The following INTS14 variants were observed in gnomAD, a reference collection of about 807,000 sequenced individuals.
INTS14 encodes integrator complex subunit 14, also known as UPF0464 protein C15orf44.
INTS14 carries 27 observed loss-of-function variants against 56.9 expected under a neutral mutation model. The ratio of observed to expected loss-of-function variants is 0.47; its 90% CI spans 0.35 to 0.65. The LOEUF is 0.65. Ranked by LOEUF, INTS14 falls within the 30% of genes least tolerant of loss-of-function variation. The pLI is 0.00. For synonymous variants in INTS14, 207 were observed against 236.2 expected (o/e 0.88, Z 1.13); for missense variants, 517 against 632.2 (o/e 0.82, Z 1.95).
chr15:65,596,632 G>A (rs962865888), intron 6 of INTS14, among the ~76,000 whole-genome samples: 4 of 151,978 alleles, frequency 2.6e-5, no homozygotes, highest in African/African-American at 9.7e-5. Flanking sequence ...GTGCAATGGC[G>A]CAATCTCAGC....
rs1412843345 is a variant in INTS14, at chr15:65,579,564, C to T, written c.1401G>A (p.Leu467=). ...CAGCATCAGGGTGGGCTGTCTCAGG[C>T]AGCAGTGTGCATTCCCTTTCCAGCA... ...ADMLERECTL[L]PETAHPDAAF... The change falls in exon 12 of 12, where the codon CTG becomes CTA. Residue 467 remains leucine (L), a synonymous_variant. Coordinates refer to ENST00000313182, the MANE Select transcript of INTS14 (RefSeq NM_001394796.1). 1.2e-6 allele frequency: 2 copies of T among 1,614,196 alleles called. No individual in the cohort carries two copies.
chr15:65,584,080 A>G (rs1333104429), intron 10 of INTS14, among the ~76,000 whole-genome samples: 6 of 152,264 alleles, frequency 3.9e-5, no homozygotes, highest in Non-Finnish European at 7.3e-5. Context: ...AAAAACAGGT[A>G]TAAATGACTT....
At chr15:65,579,826 A>C (rs554825811) in intron 11 of INTS14, among the ~76,000 whole-genome samples, 167 bp from the exon 12 acceptor site, 1 of 152,348 alleles carries the variant, frequency 6.6e-6, no homozygotes, top group South Asian at 2.1e-4. Flanking sequence ...TGATGGTTTT[A>C]CTGGGAAGTG....
intron 9 of INTS14, 131 bp downstream of exon 9, chr15:65,591,467 T>C: frequency 8.1e-7 from 1 of 1,233,850 alleles, no homozygotes; most frequent in Non-Finnish European, 1.1e-6. Context: ...ACCGTACACA[T>C]CCAGCATCAT....
Position 65,579,401 on chromosome 15 carries a change from G to A in INTS14, c.*7C>T, listed in dbSNP as rs770363902. ...TGAAAAAAGAAGGAAAGCTCCAAAA[G>A]TCAGTTTCAAATTCTTTCAGTGCTG... On this transcript the variant is annotated 3_prime_UTR_variant, in exon 12 of 12. Transcript: ENST00000313182. 3 of 1,603,756 alleles carry A rather than the reference G, an allele frequency of 1.9e-6. No homozygotes were observed. In the African/African-American group the frequency reaches 4.0e-5, roughly 21 times the overall value.
chr15:65,595,757 C>T lies in INTS14; in HGVS notation c.817G>A (p.Val273Ile), dbSNP rs764567176. 2 of 1,609,960 alleles carry T rather than the reference C, an allele frequency of 1.2e-6. No homozygotes were observed. The highest frequency in any genetic ancestry group is 1.7e-6 in the Non-Finnish European group (2 of 1,178,704). ...CCTTTGTTAAGTGCTATAGGTAAGA[C>T]CAGATGTCTGGACAGAACTGGGGGA... ...SSPPVLSRHL[V>I]LPIALNKEGD... The change falls in exon 7 of 12, where the codon GTC (valine) becomes ATC (isoleucine). Residue 273 changes from valine to isoleucine, a missense_variant. Transcript: ENST00000313182.
chr15:65,594,025 A>G lies in INTS14; in HGVS notation c.842-453T>C, dbSNP rs188091548. On this transcript the variant is annotated intron_variant, in intron 7 of 11. Coordinates refer to ENST00000313182, the MANE Select transcript of INTS14 (RefSeq NM_001394796.1). ...ATCTCAGTAAAGCTTACACACAAAAATCCATTCTCCACAGTTCCACTAGGA... is the reference window on the plus strand; with the variant it reads ...ATCTCAGTAAAGCTTACACACAAAAGTCCATTCTCCACAGTTCCACTAGGA... Among the ~76,000 whole-genome samples the G allele has an allele frequency of 1.9e-3, 296 of 152,342 alleles. 3 individuals carry two copies. Among genetic ancestry groups the G allele is most frequent in the Admixed American group, 0.017 (267 of 15,302 alleles).
At chr15:65,583,579 T>G (rs1442520686) in intron 10 of INTS14, among the ~76,000 whole-genome samples, 1 of 151,892 alleles carries the variant, frequency 6.6e-6, no homozygotes. Context: ...CCTTTTGGAG[T>G]GATTAAAATG....
chr15:65,598,288 G>A, intron 6 of INTS14, 33 bp downstream of exon 6: 1 of 1,591,360 alleles, frequency 6.3e-7, no homozygotes, highest in Non-Finnish European at 8.6e-7. Context: ...GGATAACAGA[G>A]AAACTAAGAA....
At chr15:65,591,996 T>C (rs2073049073) in intron 8 of INTS14, among the ~76,000 whole-genome samples, 1 of 152,108 alleles carries the variant, frequency 6.6e-6, no homozygotes, top group South Asian at 2.1e-4. Flanking sequence ...AAAAAACAAA[T>C]CACAAAGGGC....
rs1842891653 is a variant in INTS14, at chr15:65,598,445, T to C, written c.624A>G (p.Ala208=). Residue 208 remains alanine (A), a synonymous_variant, in exon 6 of 12, where the codon GCA becomes GCG. Coordinates refer to ENST00000313182, the MANE Select transcript of INTS14 (RefSeq NM_001394796.1). ...TGAGAACAGCATGGAAAGGCGTATATGCCAAATCTATCAGTTTTCTAGAAT... is the reference window on the plus strand; with the variant it reads ...TGAGAACAGCATGGAAAGGCGTATACGCCAAATCTATCAGTTTTCTAGAAT... ...QSMFGKLIDL[A]YTPFHAVLKC... 2.5e-6 allele frequency: 4 copies of C among 1,613,914 alleles called. No homozygotes were observed. Among genetic ancestry groups the C allele is most frequent in the Non-Finnish European group, 3.4e-6 (4 of 1,179,888 alleles).
At chr15:65,596,354 G>A (rs7170081) in intron 6 of INTS14, among the ~76,000 whole-genome samples, 10,536 of 152,066 alleles carry the variant, frequency 0.069, 396 homozygotes, top group African/African-American at 0.11. Flanking sequence ...AAATAAAAAT[G>A]AATGTTGTAA....
chr15:65,600,032 C>A, intron 3 of INTS14, 103 bp from the exon 4 acceptor site: 2 of 1,296,290 alleles, frequency 1.5e-6, no homozygotes, highest in Non-Finnish European at 2.1e-6. Context: ...CCAGGGCTGG[C>A]TATGGTGGCT....
At chr15:65,603,629 T>A (rs189124650) in intron 3 of INTS14, among the ~76,000 whole-genome samples, 2,769 of 151,742 alleles carry the variant, frequency 0.018, 41 homozygotes, top group Middle Eastern at 0.095. Flanking sequence ...TTTTTTTTTT[T>A]ATTAATAAAT....
chr15:65,598,411 G>A lies in INTS14; in HGVS notation c.658C>T (p.His220Tyr), dbSNP rs777473133. The A allele has an allele frequency of 6.2e-7, 1 of 1,614,024 alleles. No individual in the cohort carries two copies. Among genetic ancestry groups the A allele is most frequent in the Non-Finnish European group, 8.5e-7 (1 of 1,179,924 alleles). The change falls in exon 6 of 12, where the codon CAC becomes TAC. Residue 220 changes from histidine to tyrosine, a missense_variant. By Grantham distance (83) the His-to-Tyr change is moderately conservative (BLOSUM62 2). Coordinates refer to ENST00000313182, the MANE Select transcript of INTS14 (RefSeq NM_001394796.1). ...AAGACTTGTACATCAGCAGTTAGGT[G>A]GCCACACTTGAGAACAGCATGGAAA... Reference protein sequence around the residue: ...TPFHAVLKCGHLTADVQVFPR... With the variant: ...TPFHAVLKCGYLTADVQVFPR...
At chr15:65,597,659 G>C (rs1171290980) in intron 6 of INTS14, among the ~76,000 whole-genome samples, 1 of 152,200 alleles carries the variant, frequency 6.6e-6, no homozygotes, top group Non-Finnish European at 1.5e-5. Flanking sequence ...TCCCTGCCTA[G>C]CCAATAAGAA....
rs1241653613 is a variant in INTS14 at position 65,607,129 on chromosome 15, G to A, written c.222+30C>T. 1.9e-6 allele frequency: 3 copies of A among 1,609,914 alleles called. No individual in the cohort carries two copies. In the African/African-American group the frequency reaches 4.0e-5, roughly 22 times the overall value. ...TTTCCTCCCAATAAATTTAGGCCCT[G>A]TACATACAATAACTTACTACATTTT... On this transcript the variant is annotated intron_variant, in intron 2 of 11. Transcript: ENST00000313182.
rs1022046912 is a variant in INTS14 at position 65,579,728 on chromosome 15, G to C, written c.1306-69C>G. The C allele has an allele frequency of 5.1e-5, 79 of 1,539,048 alleles. No homozygotes were observed. In the East Asian group the frequency reaches 1.8e-3, roughly 35 times the overall value. On this transcript the variant is annotated intron_variant, in intron 11 of 11. Transcript: ENST00000313182. ...CTAACACATACTTTCTAAGTGCTCA[G>C]CTTAGCATAAGTTCTCCTTGACTGA...
rs966552869 is a variant in INTS14, at chr15:65,610,851, G to A, written c.-63+247C>T. 9 of 1,529,220 alleles carry A rather than the reference G, an allele frequency of 5.9e-6. No homozygotes were observed. The Admixed American group carries it at 1.6e-4, about 27-fold the overall frequency. 94.7% of individuals were successfully genotyped at this position (1,529,220 alleles called of 1,614,324 possible). A position where few individuals can be genotyped will look rare whatever the true frequency, so the allele number is the denominator to read the frequency against. ...TGGAAGTCTCTCTTGGAAAGAGGGG[G>A]CAGAGGGGAGCTGAGCAGAGGGCGA... On this transcript the variant is annotated intron_variant, in intron 1 of 11. Transcript: ENST00000313182.
Sources: allele counts gnomAD v4.1 joint callset (sites outside exome capture counted in the v4.1 genomes callset), GRCh38; gene constraint gnomAD v4.1.1; transcripts MANE v1.5; gene names NCBI Gene and HGNC (gene_info 2026-07-23, HGNC 2026-07-21).